Variants in SNX10 observed in about 807,000 individuals in gnomAD.
The protein encoded by SNX10 is sorting nexin-10.
SNX10 carries 25 observed loss-of-function variants against 28.5 expected under a neutral mutation model. The ratio of observed to expected loss-of-function variants is 0.88; its 90% CI spans 0.64 to 1.22. The LOEUF (loss-of-function observed/expected upper bound fraction) is 1.22, where lower values mean the gene tolerates loss of function less well. SNX10 is among the 50% of genes most tolerant of loss of function. The pLI, the probability that SNX10 is intolerant of heterozygous loss-of-function variation, is 0.00. For synonymous variants in SNX10, 62 were observed against 81.4 expected (o/e 0.76, Z 1.28); for missense variants, 223 against 242.6 (o/e 0.92, Z 0.54).
At chr7:26,357,524 C>T (rs552417074) in intron 2 of SNX10, among the ~76,000 whole-genome samples, 2 of 152,024 alleles carry the variant, frequency 1.3e-5, no homozygotes, top group East Asian at 3.9e-4. Flanking sequence ...TATGGGGCAA[C>T]CTTTGAAGGA....
Position 26,351,652 on chromosome 7 carries a change from TTTTTTTG to T in SNX10, c.24+5193_24+5199del, listed in dbSNP as rs1352712492. 5.9e-5 allele frequency among the ~76,000 whole-genome samples: 5 copies of T among 84,914 alleles called. 1 individual carries two copies. The South Asian group carries it at 3.3e-3, about 56-fold the overall frequency. The allele number at this position is 84,914 out of a possible 152,430, so 55.7% of individuals were successfully genotyped here. ...AAAGCAATCAAGCAGTCTGGTTTTT[TTTTTTTG>T]TTTTTTTTTTTTTTTGAGACCGAGT... On this transcript the variant is annotated intron_variant, in intron 2 of 6. Coordinates refer to ENST00000338523, the MANE Select transcript of SNX10 (RefSeq NM_013322.3).
intron 1 of SNX10, among the ~76,000 whole-genome samples, chr7:26,310,078 G>C (rs965741947): frequency 6.6e-6 from 1 of 152,306 alleles, no homozygotes; most frequent in East Asian, 1.9e-4. Flanking sequence ...TAGGAGGAAA[G>C]ATAGAAAACA....
intron 1 of SNX10, among the ~76,000 whole-genome samples, chr7:26,330,718 G>T (rs1322880347): frequency 6.6e-6 from 1 of 152,012 alleles, no homozygotes; most frequent in East Asian, 1.9e-4. Flanking sequence ...GGACATGAGG[G>T]TTGTGAATGA....
intron 1 of SNX10, among the ~76,000 whole-genome samples, chr7:26,314,712 A>G (rs185377497): frequency 9.9e-5 from 15 of 152,284 alleles, no homozygotes; most frequent in Non-Finnish European, 2.2e-4. Context: ...TTAAGAAAAA[A>G]GAACAGGCCA....
intron 5 of SNX10, 31 bp from the exon 6 acceptor site, chr7:26,371,790 C>T: frequency 6.7e-7 from 1 of 1,484,624 alleles, no homozygotes; most frequent in Middle Eastern, 1.7e-4. Flanking sequence ...ATCCTGTTCA[C>T]CAATTATTTT....
chr7:26,306,486 A>G (rs1170526463), intron 1 of SNX10, among the ~76,000 whole-genome samples: 1 of 149,418 alleles, frequency 6.7e-6, no homozygotes, highest in Non-Finnish European at 1.5e-5. Flanking sequence ...ATCATGGCTC[A>G]CTGCAGCTTC....
rs151219265 is a variant in SNX10 at position 26,312,716 on chromosome 7, G to A, written c.-24+20630G>A. Among the ~76,000 whole-genome samples, 766 of 152,186 alleles carry A rather than the reference G, an allele frequency of 5.0e-3. 9 individuals carry two copies. The highest frequency in any genetic ancestry group is 0.015 in the African/African-American group (638 of 41,508). On this transcript the variant is annotated intron_variant, in intron 1 of 6. Coordinates refer to ENST00000338523, the MANE Select transcript of SNX10 (RefSeq NM_013322.3). ...AGAGAATCGCTTGAACCCGGGAGGC[G>A]GAGGTTGCAGTGAGCCGAGATCACG...
chr7:26,341,466 A>T (rs1788174484), intron 1 of SNX10, among the ~76,000 whole-genome samples: 5 of 150,874 alleles, frequency 3.3e-5, no homozygotes, highest in Non-Finnish European at 7.4e-5. Context: ...TTGGCATAAC[A>T]GTCTTTCAGT....
At chr7:26,353,660 C>T (rs1788704114) in intron 2 of SNX10, among the ~76,000 whole-genome samples, 1 of 152,082 alleles carries the variant, frequency 6.6e-6, no homozygotes, top group Non-Finnish European at 1.5e-5. Flanking sequence ...CCATGTTGGC[C>T]AGGCTGTTCT....
At chr7:26,316,824 C>T (rs1439909907) in intron 1 of SNX10, among the ~76,000 whole-genome samples, 1 of 152,030 alleles carries the variant, frequency 6.6e-6, no homozygotes, top group Non-Finnish European at 1.5e-5. Context: ...TTTTTGGGCG[C>T]TTTTTTTCTC....
At chr7:26,316,495 A>G (rs1478753012) in intron 1 of SNX10, among the ~76,000 whole-genome samples, 1 of 152,136 alleles carries the variant, frequency 6.6e-6, no homozygotes, top group Non-Finnish European at 1.5e-5. Context: ...AGCTTGTGCT[A>G]GTGGGGAAAA....
chr7:26,319,631 G>A (rs886521257), intron 1 of SNX10, among the ~76,000 whole-genome samples: 3 of 152,144 alleles, frequency 2.0e-5, no homozygotes, highest in African/African-American at 4.8e-5. Flanking sequence ...ATCTTCAGCT[G>A]AGCTAAACCC....
At chr7:26,301,180 T>A (rs566626102) in intron 1 of SNX10, among the ~76,000 whole-genome samples, 162 of 152,092 alleles carry the variant, frequency 1.1e-3, no homozygotes, top group South Asian at 1.2e-3. Flanking sequence ...ACACACAGAG[T>A]GTATGTCTAA....
At chr7:26,352,704 A>G (rs1301267543) in intron 2 of SNX10, among the ~76,000 whole-genome samples, 2 of 152,216 alleles carry the variant, frequency 1.3e-5, no homozygotes, top group East Asian at 1.9e-4. Context: ...TAATTAAACA[A>G]TTCCTTCATA....
At chr7:26,345,825 G>C (rs906698023) in intron 1 of SNX10, among the ~76,000 whole-genome samples, 4 of 152,124 alleles carry the variant, frequency 2.6e-5, no homozygotes, top group Non-Finnish European at 5.9e-5. Context: ...TACCAAGTGG[G>C]TTTAAAGAAC....
intron 1 of SNX10, among the ~76,000 whole-genome samples, chr7:26,328,537 A>G (rs2128003479): frequency 6.6e-6 from 1 of 152,184 alleles, no homozygotes. Context: ...CCAGAGAATG[A>G]GTGTAGAGTG....
chr7:26,354,689 TG>T (rs2128017591), intron 2 of SNX10, among the ~76,000 whole-genome samples: 2 of 76,682 alleles, frequency 2.6e-5, no homozygotes, highest in Non-Finnish European at 5.8e-5. Context: ...CTGATAGTTT[TG>T]TTTTTTTTTA....
chr7:26,295,153 G>C (rs976151415), intron 1 of SNX10, among the ~76,000 whole-genome samples: 7 of 152,146 alleles, frequency 4.6e-5, no homozygotes, highest in African/African-American at 1.7e-4. Context: ...CAGTGATCTT[G>C]CCTCTGGGGA....
intron 2 of SNX10, among the ~76,000 whole-genome samples, chr7:26,356,625 A>G (rs1406755): frequency 0.47 from 71,007 of 152,052 alleles, 18,014 homozygotes; most frequent in East Asian, 0.65. Context: ...TTTAAAATAA[A>G]TGTACTTTTA....
Sources: allele counts gnomAD v4.1 joint callset (sites outside exome capture counted in the v4.1 genomes callset), GRCh38; gene constraint gnomAD v4.1.1; transcripts MANE v1.5; gene names NCBI Gene and HGNC (gene_info 2026-07-23, HGNC 2026-07-21).